EXOC4: variants seen among roughly 807,000 people sequenced by gnomAD.
EXOC4 encodes the protein exocyst complex component 4, also known as SEC8-like 1.
In EXOC4, 71 loss-of-function variants were observed where a neutral mutation model predicts 107.2. The observed-to-expected ratio is 0.66, with a 90% CI of 0.55 to 0.81. EXOC4 has a LOEUF of 0.81. EXOC4 is among the 30% of genes least tolerant of loss of function. The pLI is 0.00. For synonymous variants in EXOC4, 456 were observed against 441.2 expected (o/e 1.03, Z -0.42); for missense variants, 1,108 against 1,189.6 (o/e 0.93, Z 1.01).
intron 4 of EXOC4, among the ~76,000 whole-genome samples, chr7:133,311,244 G>T (rs921829879): frequency 9.2e-5 from 14 of 152,084 alleles, no homozygotes; most frequent in Non-Finnish European, 2.1e-4. Context: ...AGGTTATGAG[G>T]GGGGCATTTC....
At chr7:134,086,329 A>T in the EXOC4 span, among the ~76,000 whole-genome samples, 2 of 152,222 alleles carry the variant, frequency 1.3e-5, no homozygotes, top group Admixed American at 1.3e-4. Flanking sequence ...ATGAGTGGAA[A>T]ATTCCACAGT....
intron 8 of EXOC4, chr7:133,478,944 C>G (rs1424585): frequency 6.6e-6 from 1 of 152,270 alleles, no homozygotes; most frequent in East Asian, 1.9e-4. Flanking sequence ...GAGGGGATCA[C>G]GTAACCCAAG....
intron 9 of EXOC4, among the ~76,000 whole-genome samples, chr7:133,527,752 T>C (rs1800107622): frequency 6.6e-6 from 1 of 152,210 alleles, no homozygotes; most frequent in Non-Finnish European, 1.5e-5. Flanking sequence ...TTGTGTTCAG[T>C]AGGCCACTTT....
At chr7:133,276,059 T>C (rs1291189316) in intron 2 of EXOC4, among the ~76,000 whole-genome samples, 1 of 152,156 alleles carries the variant, frequency 6.6e-6, no homozygotes, top group Non-Finnish European at 1.5e-5. Flanking sequence ...GGAACAGTTT[T>C]TCTTTTATTT....
At chr7:133,695,122 C>A (rs1399354631) in intron 10 of EXOC4, among the ~76,000 whole-genome samples, 2 of 152,084 alleles carry the variant, frequency 1.3e-5, no homozygotes, top group African/African-American at 2.4e-5. Flanking sequence ...GCGCCCGGCC[C>A]CCACTACCCT....
chr7:133,343,608 T>C (rs1291200414), intron 5 of EXOC4, among the ~76,000 whole-genome samples: 1 of 151,956 alleles, frequency 6.6e-6, no homozygotes, highest in South Asian at 2.1e-4. Context: ...TTTTTTTTTT[T>C]CTGAGTTTCA....
intron 10 of EXOC4, among the ~76,000 whole-genome samples, chr7:133,664,350 A>G (rs937507884): frequency 6.6e-5 from 10 of 152,138 alleles, no homozygotes; most frequent in South Asian, 2.1e-4. Flanking sequence ...TAGGCCCTCA[A>G]TTAATGTTTG....
Position 133,554,441 on chromosome 7 carries a change from C to T in EXOC4, c.1417+74303C>T, listed in dbSNP as rs1800653901. On this transcript the variant is annotated intron_variant, in intron 9 of 17. Transcript: ENST00000253861. Reference sequence around the variant, plus strand: ...TGAGGTCTGAAAGAGTTGTTTATTGCTCTGCTCGCCAACCTTAATCTAGTG... The same window carrying T: ...TGAGGTCTGAAAGAGTTGTTTATTGTTCTGCTCGCCAACCTTAATCTAGTG... 2.0e-5 allele frequency among the ~76,000 whole-genome samples: 3 copies of T among 152,270 alleles called. No homozygotes were observed. The South Asian group carries it at 6.2e-4, about 32-fold the overall frequency.
At chr7:133,927,686 A>G (rs1800082905) in intron 13 of EXOC4, among the ~76,000 whole-genome samples, 1 of 152,222 alleles carries the variant, frequency 6.6e-6, no homozygotes, top group African/African-American at 2.4e-5. Context: ...AAATCAGAAA[A>G]CATGAATATA....
chr7:133,505,778 C>A (rs1286179794), intron 9 of EXOC4, among the ~76,000 whole-genome samples: 2 of 152,012 alleles, frequency 1.3e-5, no homozygotes, highest in African/African-American at 4.8e-5. Flanking sequence ...TAGTTAGATT[C>A]TTTTAAATAA....
At chr7:133,730,051 A>T (rs73724721) in intron 10 of EXOC4, among the ~76,000 whole-genome samples, 2,562 of 151,072 alleles carry the variant, frequency 0.017, 71 homozygotes, top group African/African-American at 0.059. Flanking sequence ...GGTGAAGGAA[A>T]TAAAAGATGC....
At position 133,758,091 on chromosome 7, in the gene EXOC4, C is replaced by A. The variant is rs528759927; in HGVS notation, c.1515-59234C>A. 2.0e-5 allele frequency among the ~76,000 whole-genome samples: 3 copies of A among 152,084 alleles called. No homozygotes were observed. The South Asian group carries it at 6.2e-4, about 32-fold the overall frequency. ...ATTGGGATTATTAGTAAGTGTGATC[C>A]AGGCAGAAAGTCATGAAGCTAATAT... is the stretch of plus-strand genomic sequence containing the variant. On this transcript the variant is annotated intron_variant, in intron 10 of 17. Coordinates refer to ENST00000253861, the MANE Select transcript of EXOC4 (RefSeq NM_021807.4).
intron 9 of EXOC4, among the ~76,000 whole-genome samples, chr7:133,537,215 A>G (rs1800286904): frequency 6.6e-6 from 1 of 150,670 alleles, no homozygotes; most frequent in African/African-American, 2.5e-5. Flanking sequence ...CAGTGGCGTG[A>G]TCTCGACTCA....
chr7:133,314,170 G>T lies in EXOC4; in HGVS notation c.657-3114G>T, dbSNP rs537458240. On this transcript the variant is annotated intron_variant, in intron 4 of 17. Coordinates refer to ENST00000253861, the MANE Select transcript of EXOC4 (RefSeq NM_021807.4). ...GTGGTGAGAAGAGGTCTTTTTTTCT[G>T]TTGTGAAATGGAAACTGAGGTCCAT... 5.3e-5 allele frequency among the ~76,000 whole-genome samples: 8 copies of T among 151,948 alleles called. No individual in the cohort carries two copies. The South Asian group carries it at 1.2e-3, about 24-fold the overall frequency.
chr7:133,739,997 A>G (rs1479498878), intron 10 of EXOC4, among the ~76,000 whole-genome samples: 1 of 152,164 alleles, frequency 6.6e-6, no homozygotes, highest in Non-Finnish European at 1.5e-5. Context: ...ATGTAGCAAA[A>G]TTAAGAGTAA....
At chr7:133,582,916 C>A (rs1801311685) in intron 9 of EXOC4, among the ~76,000 whole-genome samples, 1 of 152,120 alleles carries the variant, frequency 6.6e-6, no homozygotes, top group Non-Finnish European at 1.5e-5. Context: ...TGAATTGCAT[C>A]CTTTGGGAAA....
intron 10 of EXOC4, among the ~76,000 whole-genome samples, chr7:133,705,756 C>T (rs1794755193): frequency 6.6e-6 from 1 of 152,092 alleles, no homozygotes; most frequent in Admixed American, 6.5e-5. Context: ...GTAAAACGCA[C>T]GGATACACTA....
At chr7:133,678,852 T>C (rs1794123336) in intron 10 of EXOC4, among the ~76,000 whole-genome samples, 1 of 152,076 alleles carries the variant, frequency 6.6e-6, no homozygotes, top group Non-Finnish European at 1.5e-5. Context: ...ACTCCTGGGC[T>C]CAAGCATTCT....
At chr7:134,098,254 A>T in the EXOC4 span, among the ~76,000 whole-genome samples, 1 of 152,204 alleles carries the variant, frequency 6.6e-6, no homozygotes, top group African/African-American at 2.4e-5. Context: ...AAGGTAATTT[A>T]GATCTACATA....
Sources: gnomAD v4.1 joint callset for allele counts (sites outside exome capture counted in the v4.1 genomes callset) on GRCh38, gnomAD v4.1.1 for gene constraint, MANE v1.5 for transcripts, NCBI Gene and HGNC (gene_info 2026-07-23, HGNC 2026-07-21) for gene names.